The following MVB12B variants were observed in gnomAD, a reference collection of about 807,000 sequenced individuals.
MVB12B encodes the protein multivesicular body subunit 12B.
In MVB12B, 16 loss-of-function variants were observed where a neutral mutation model predicts 41.6. The ratio of observed to expected loss-of-function variants is 0.38; its 90% confidence interval spans 0.26 to 0.58. The LOEUF (loss-of-function observed/expected upper bound fraction) is 0.58. Ranked by LOEUF, MVB12B falls within the 20% of genes least tolerant of loss-of-function variation. MVB12B has a pLI of 0.62. For missense variants in MVB12B, 274 were observed against 380.2 expected (o/e 0.72, Z 2.32); for synonymous variants, 133 against 139.7 (o/e 0.95, Z 0.34).
intron 7 of MVB12B, among the ~76,000 whole-genome samples, chr9:126,451,061 C>T (rs573385538): frequency 5.3e-5 from 8 of 152,292 alleles, no homozygotes; most frequent in South Asian, 4.1e-4. Flanking sequence ...AGCAAGGTCA[C>T]GTACTCCACC....
intron 7 of MVB12B, among the ~76,000 whole-genome samples, chr9:126,466,866 C>G (rs1041209531): frequency 9.2e-5 from 14 of 151,890 alleles, no homozygotes; most frequent in Admixed American, 7.9e-4. Flanking sequence ...CTGGCTCTAT[C>G]GCCCAGGCTG....
intron 7 of MVB12B, among the ~76,000 whole-genome samples, chr9:126,456,304 C>T (rs537154892): frequency 4.2e-4 from 64 of 152,270 alleles, no homozygotes; most frequent in East Asian, 2.1e-3. Flanking sequence ...ATAGCTCTTT[C>T]GCACACGATT....
intron 2 of MVB12B, among the ~76,000 whole-genome samples, chr9:126,347,579 A>AT (rs2118847763): frequency 6.6e-6 from 1 of 152,276 alleles, no homozygotes; most frequent in South Asian, 2.1e-4. Flanking sequence ...TGGGCTGGGT[A>AT]TAGGGAACAT....
At chr9:126,461,619 G>A (rs1025077040) in intron 7 of MVB12B, among the ~76,000 whole-genome samples, 29 of 152,216 alleles carry the variant, frequency 1.9e-4, no homozygotes, top group African/African-American at 6.8e-4. Context: ...GCAATAAAGC[G>A]AAATGTTTTC....
chr9:126,492,554 T>G (rs1833755820), intron 9 of MVB12B, among the ~76,000 whole-genome samples: 1 of 152,166 alleles, frequency 6.6e-6, no homozygotes, highest in Non-Finnish European at 1.5e-5. Flanking sequence ...AATCTCTGCT[T>G]ATTTTGGCCA....
chr9:126,382,332 A>G (rs1216232876), intron 3 of MVB12B, among the ~76,000 whole-genome samples: 2 of 152,168 alleles, frequency 1.3e-5, no homozygotes, highest in Non-Finnish European at 2.9e-5. Context: ...TGATACGATA[A>G]TTATTCTGAA....
chr9:126,415,786 C>G (rs915040674), intron 6 of MVB12B, among the ~76,000 whole-genome samples: 3 of 152,110 alleles, frequency 2.0e-5, no homozygotes, highest in African/African-American at 7.2e-5. Flanking sequence ...TGGTGGAGAT[C>G]ATGTTCTGGT....
At chr9:126,445,898 A>T (rs1315976904) in intron 7 of MVB12B, among the ~76,000 whole-genome samples, 2 of 152,196 alleles carry the variant, frequency 1.3e-5, no homozygotes, top group African/African-American at 2.4e-5. Flanking sequence ...TTGGAAGACA[A>T]CATCATCTGC....
rs1042190196 is a variant in MVB12B at position 126,401,895 on chromosome 9, C to T, written c.662+6198C>T. 2.6e-5 allele frequency among the ~76,000 whole-genome samples: 4 copies of T among 152,362 alleles called. 1 individual carries two copies. Among genetic ancestry groups the T allele is most frequent in the African/African-American group, 4.8e-5 (2 of 41,594 alleles). ...TCCACACTGACAGCCTCAAATCCTT[C>T]GGCTGCCTTCTGTCCGTTTTCAATT... On this transcript the variant is annotated intron_variant, in intron 6 of 9. Transcript: ENST00000361171.
intron 6 of MVB12B, among the ~76,000 whole-genome samples, chr9:126,412,573 T>C (rs1028809261): frequency 2.0e-5 from 3 of 152,220 alleles, no homozygotes; most frequent in Non-Finnish European, 2.9e-5. Context: ...AGTGTTCCCC[T>C]AGTTTTTGCC....
intron 2 of MVB12B, among the ~76,000 whole-genome samples, chr9:126,373,396 G>A (rs999126488): frequency 3.9e-5 from 6 of 152,240 alleles, no homozygotes; most frequent in Non-Finnish European, 8.8e-5. Flanking sequence ...GTCTGGCCTG[G>A]GCCAAGTGTG....
Position 126,340,510 on chromosome 9 carries a change from C to CCAGT in MVB12B, c.86_89dup (p.Thr31ValfsTer5). The CCAGT allele has an allele frequency of 2.5e-6, 4 of 1,613,972 alleles. No homozygotes were observed. Among genetic ancestry groups the CCAGT allele is most frequent in the Non-Finnish European group, 3.4e-6 (4 of 1,179,916 alleles). On this transcript the variant is annotated frameshift_variant, in exon 2 of 10. Coordinates refer to ENST00000361171, the MANE Select transcript of MVB12B (RefSeq NM_033446.3). LOFTEE classifies it high-confidence loss of function. This position sits in a 1 kb window ranked among gnomAD's most constrained non-coding sequence, Gnocchi z 4.0. ...TTCTTTTTCCTTTGCTGAACCAGGA[C>CCAGT]CAGTCCACCATGCCTGAAGTCAAAG...
Position 126,391,999 on chromosome 9 carries a change from G to A in MVB12B, c.410-67G>A, listed in dbSNP as rs1401119767. 6.3e-7 allele frequency: 1 copy of A among 1,580,110 alleles called. No homozygotes were observed. Among genetic ancestry groups the A allele is most frequent in the Non-Finnish European group, 8.7e-7 (1 of 1,150,892 alleles). On this transcript the variant is annotated intron_variant, in intron 4 of 9. Coordinates refer to ENST00000361171, the MANE Select transcript of MVB12B (RefSeq NM_033446.3). This position sits in a 1 kb window ranked among gnomAD's most constrained non-coding sequence, Gnocchi z 4.4. ...AGGAATAGGGCGTGACAGGGGATGT[G>A]GTTTTCAGAATAGAGATTCTGGTAT...
At chr9:126,355,511 G>A (rs1007567636) in intron 2 of MVB12B, among the ~76,000 whole-genome samples, 1 of 152,244 alleles carries the variant, frequency 6.6e-6, no homozygotes, top group African/African-American at 2.4e-5. Flanking sequence ...TAAATTTAAA[G>A]TACTGCATTA....
intron 7 of MVB12B, among the ~76,000 whole-genome samples, chr9:126,441,298 A>G (rs1832634525): frequency 1.3e-5 from 2 of 152,214 alleles, no homozygotes; most frequent in Non-Finnish European, 2.9e-5. Context: ...CACGGATCCC[A>G]GAGCTTTCAT....
intron 7 of MVB12B, among the ~76,000 whole-genome samples, chr9:126,456,255 A>G (rs1427923228): frequency 1.3e-5 from 2 of 152,182 alleles, no homozygotes; most frequent in Non-Finnish European, 2.9e-5. Context: ...TTTGTTGGAT[A>G]CTTACCTCCA....
intron 7 of MVB12B, among the ~76,000 whole-genome samples, chr9:126,439,357 T>C (rs1304487676): frequency 6.6e-6 from 1 of 152,196 alleles, no homozygotes; most frequent in African/African-American, 2.4e-5. Context: ...TGTGGGAGTC[T>C]GGGGTCTCCA....
At chr9:126,427,686 C>CA (rs926247595) in intron 7 of MVB12B, among the ~76,000 whole-genome samples, 4 of 152,004 alleles carry the variant, frequency 2.6e-5, no homozygotes, top group African/African-American at 9.7e-5. Flanking sequence ...ATAATAAGAC[C>CA]AAAAAATCTC....
rs1831807327 is a variant in MVB12B, at chr9:126,415,941, G to A, written c.663-5913G>A. Among the ~76,000 whole-genome samples the A allele has an allele frequency of 2.0e-5, 3 of 152,174 alleles. No homozygotes were observed. In the East Asian group the frequency reaches 5.8e-4, roughly 29 times the overall value. On this transcript the variant is annotated intron_variant, in intron 6 of 9. Transcript: ENST00000361171. ...CCAGCCGCTGAGATCTGGGGACAGT[G>A]GCAAGTGCAAAGGCCCTAAGGCAGG...
Sources: gnomAD v4.1 joint callset for allele counts (sites outside exome capture counted in the v4.1 genomes callset) on GRCh38, gnomAD v4.1.1 for gene constraint, Gnocchi (gnomAD v3.1) non-coding constraint, MANE v1.5 for transcripts, NCBI Gene and HGNC (gene_info 2026-07-23, HGNC 2026-07-21) for gene names.